Variants in FOXN3 observed in about 807,000 individuals in gnomAD.
FOXN3 encodes the protein forkhead box N3.
Under a neutral mutation model 38.4 loss-of-function variants are expected in FOXN3, and 7 were observed. That is an observed-to-expected ratio of 0.18 (90% confidence interval 0.10 to 0.34). FOXN3 has a LOEUF of 0.34. Among genes scored for constraint, FOXN3 ranks in the 10% least tolerant of loss-of-function variants. FOXN3 has a pLI of 1.00. For missense variants in FOXN3, 456 were observed against 613.4 expected (o/e 0.74, Z 2.71); for synonymous variants, 230 against 242.2 (o/e 0.95, Z 0.47).
chr14:89,556,407 A>T (rs1393199494), intron 1 of FOXN3, among the ~76,000 whole-genome samples: 1 of 151,674 alleles, frequency 6.6e-6, no homozygotes, highest in Non-Finnish European at 1.5e-5. Flanking sequence ...CCATCTCAAA[A>T]AAAAAAAAAA....
chr14:89,450,333 C>A lies in FOXN3; in HGVS notation c.-14-37843G>T, dbSNP rs571768238. 2.0e-5 allele frequency among the ~76,000 whole-genome samples: 3 copies of A among 152,294 alleles called. No individual in the cohort carries two copies. In the South Asian group the frequency reaches 6.2e-4, roughly 32 times the overall value. ...TTAACTAATTATACATGCAAAAACCCTATTTCCAAATAAGGTCCCATTTCT... is the reference window on the plus strand; with the variant it reads ...TTAACTAATTATACATGCAAAAACCATATTTCCAAATAAGGTCCCATTTCT... On this transcript the variant is annotated intron_variant, in intron 1 of 6. Transcript: ENST00000345097.
chr14:89,313,378 G>A (rs747576496), intron 3 of FOXN3, among the ~76,000 whole-genome samples: 3 of 152,126 alleles, frequency 2.0e-5, no homozygotes, highest in Non-Finnish European at 4.4e-5. Flanking sequence ...GGCCAACATG[G>A]TGAAACCCCT....
At chr14:89,448,006 G>T (rs1892542485) in intron 1 of FOXN3, among the ~76,000 whole-genome samples, 1 of 151,566 alleles carries the variant, frequency 6.6e-6, no homozygotes, top group South Asian at 2.1e-4. Context: ...TAGAGACGGG[G>T]TTTCACCATG....
intron 2 of FOXN3, among the ~76,000 whole-genome samples, chr14:89,362,152 T>C (rs1196071059): frequency 1.4e-4 from 2 of 14,792 alleles, no homozygotes; most frequent in South Asian, 4.5e-3. Context: ...CAGCACCACC[T>C]CCACCACCAC....
chr14:89,159,168 T>A lies in FOXN3; in HGVS notation c.*3246A>T, dbSNP rs1403211695. The stretch of plus-strand genomic sequence containing the variant: ...AGAGGGTGCCTCCTGCCCCTTGGCT[T>A]GTTAAGGACACGGACAACCTCATTC... On this transcript the variant is annotated 3_prime_UTR_variant, in exon 6 of 6. Transcript: ENST00000557258. The A allele has an allele frequency of 6.6e-6, 1 of 152,654 alleles. No individual in the cohort carries two copies. The highest frequency in any genetic ancestry group is 1.5e-5 in the Non-Finnish European group (1 of 68,038). 9.5% of individuals were successfully genotyped at this position (152,654 alleles called of 1,614,324 possible).
At chr14:89,616,575 G>A (rs1031696496) in intron 1 of FOXN3, among the ~76,000 whole-genome samples, 1 of 128,614 alleles carries the variant, frequency 7.8e-6, no homozygotes, top group Admixed American at 1.0e-4. Flanking sequence ...CCACCAGTCT[G>A]TAAGTTCCAT....
chr14:89,567,721 A>ATT lies in FOXN3; in HGVS notation c.-15+51305_-15+51306dup, dbSNP rs58016745. Among the ~76,000 whole-genome samples, 658 of 129,446 alleles carry ATT rather than the reference A, an allele frequency of 5.1e-3. 5 individuals carry two copies. The highest frequency in any genetic ancestry group is 0.017 in the African/African-American group (597 of 34,480). 84.9% of individuals were successfully genotyped at this position (129,446 alleles called of 152,430 possible). ...TTGTGCCACCAAACAAATCTCGTTGATTTTTTTTTTTTTTTTTTTTAGACA... is the reference window on the plus strand; with the variant it reads ...TTGTGCCACCAAACAAATCTCGTTGATTTTTTTTTTTTTTTTTTTTTTAGACA... On this transcript the variant is annotated intron_variant, in intron 1 of 6. Coordinates refer to the FOXN3 transcript ENST00000345097.
chr14:89,285,475 C>T (rs1280485710), intron 3 of FOXN3, among the ~76,000 whole-genome samples: 2 of 151,034 alleles, frequency 1.3e-5, no homozygotes, highest in African/African-American at 2.4e-5. Context: ...GCCGAGATCA[C>T]GCCACTGCAC....
chr14:89,207,731 G>A (rs894098261), intron 4 of FOXN3, among the ~76,000 whole-genome samples: 16 of 152,256 alleles, frequency 1.1e-4, no homozygotes, highest in African/African-American at 3.4e-4. Context: ...TATACTAAAC[G>A]TACTGTACCA....
intron 5 of FOXN3, among the ~76,000 whole-genome samples, chr14:89,176,722 C>A (rs1887528807): frequency 6.6e-6 from 1 of 152,206 alleles, no homozygotes; most frequent in Non-Finnish European, 1.5e-5. Context: ...AGATGTTTTT[C>A]CCCAAGCACT....
At chr14:89,388,145 T>C (rs1890843836) in intron 2 of FOXN3, among the ~76,000 whole-genome samples, 3 of 152,014 alleles carry the variant, frequency 2.0e-5, no homozygotes, top group African/African-American at 7.3e-5. Context: ...GATTGCGACA[T>C]TGCACTCCAG....
chr14:89,325,322 C>A lies in FOXN3; in HGVS notation c.680+25350G>T, dbSNP rs1467180743. ...ACCAACACCACCACCACGACCACCA[C>A]CACCACCACCACCACCACCACCACC... is the stretch of plus-strand genomic sequence containing the variant. On this transcript the variant is annotated intron_variant, in intron 3 of 5. Coordinates refer to ENST00000557258, the MANE Select transcript of FOXN3 (RefSeq NM_005197.4). Among the ~76,000 whole-genome samples the A allele has an allele frequency of 1.1e-3, 110 of 103,776 alleles. 1 individual carries two copies. The highest frequency in any genetic ancestry group is 4.7e-3 in the African/African-American group (105 of 22,108). The allele number at this position is 103,776 out of a possible 152,430, so 68.1% of individuals were successfully genotyped here. A position where few individuals can be genotyped will look rare whatever the true frequency, so the allele number is the denominator to read the frequency against.
intron 1 of FOXN3, among the ~76,000 whole-genome samples, chr14:89,595,457 A>G (rs551125367): frequency 6.6e-6 from 1 of 152,242 alleles, no homozygotes; most frequent in South Asian, 2.1e-4. Context: ...TTCCTAGATA[A>G]TTTGATTATT....
At chr14:89,298,558 CGACA>C (rs766171713) in intron 3 of FOXN3, among the ~76,000 whole-genome samples, 9 of 150,610 alleles carry the variant, frequency 6.0e-5, no homozygotes, top group African/African-American at 9.8e-5. Context: ...AACAGATAGA[CGACA>C]GACAGACAAA....
intron 1 of FOXN3, among the ~76,000 whole-genome samples, chr14:89,440,067 C>T (rs184377511): frequency 3.9e-5 from 6 of 152,240 alleles, no homozygotes; most frequent in African/African-American, 1.4e-4. Context: ...GACCCCTTTC[C>T]TGTAACGGTG....
chr14:89,240,101 C>T (rs114748153), intron 4 of FOXN3, among the ~76,000 whole-genome samples: 3,417 of 152,214 alleles, frequency 0.022, 131 homozygotes, highest in African/African-American at 0.078. Flanking sequence ...TGAAAACTTG[C>T]CATGGCCACA....
At chr14:89,318,051 A>G (rs1045504493) in intron 3 of FOXN3, among the ~76,000 whole-genome samples, 1 of 151,474 alleles carries the variant, frequency 6.6e-6, no homozygotes, top group Non-Finnish European at 1.5e-5. Flanking sequence ...GGACTGCTAT[A>G]TTAGGGCATC....
chr14:89,489,794 C>A (rs1301620783), intron 1 of FOXN3, among the ~76,000 whole-genome samples: 2 of 152,218 alleles, frequency 1.3e-5, no homozygotes, highest in African/African-American at 4.8e-5. Context: ...CACACATTTA[C>A]ACAGAAACCA....
rs1887030547 is a variant in FOXN3, at chr14:89,158,596, G to C, written c.*3818C>G. ...AGAATACTGATTAGGGAGGGGCAGG[G>C]AAGTAGGAGCTTATGGTATATTATA... On this transcript the variant is annotated 3_prime_UTR_variant, in exon 6 of 6. Coordinates refer to ENST00000557258, the MANE Select transcript of FOXN3 (RefSeq NM_005197.4). 6.6e-6 allele frequency: 1 copy of C among 152,614 alleles called. No individual in the cohort carries two copies. The highest frequency in any genetic ancestry group is 6.5e-5 in the Admixed American group (1 of 15,278). 9.5% of individuals were successfully genotyped at this position (152,614 alleles called of 1,614,324 possible). A position where few individuals can be genotyped will look rare whatever the true frequency, so the allele number is the denominator to read the frequency against.
Sources: allele counts gnomAD v4.1 joint callset (sites outside exome capture counted in the v4.1 genomes callset), GRCh38; gene constraint gnomAD v4.1.1; transcripts MANE v1.5; gene names NCBI Gene and HGNC (gene_info 2026-07-23, HGNC 2026-07-21).